Variants in LRMDA observed in about 807,000 individuals in gnomAD.
The protein encoded by LRMDA is leucine rich melanocyte differentiation associated.
Under a neutral mutation model 29.8 loss-of-function variants are expected in LRMDA, and 18 were observed. The observed-to-expected ratio is 0.60, with a 90% CI of 0.42 to 0.90. The LOEUF is 0.90. Ranked by LOEUF, LRMDA falls within the 40% of genes least tolerant of loss-of-function variation. LRMDA has a pLI of 0.00. For synonymous variants in LRMDA, 125 were observed against 109.4 expected, an observed-to-expected ratio of 1.14 and a Z score of -0.89; for missense variants, 273 against 273.9, an observed-to-expected ratio of 1.00 and a Z score of 0.02.
At chr10:76,151,579 A>AT (rs1378486465) in intron 5 of LRMDA, among the ~76,000 whole-genome samples, 1 of 152,194 alleles carries the variant, frequency 6.6e-6, no homozygotes, top group Non-Finnish European at 1.5e-5. Context: ...GGAGGAAAAA[A>AT]ATATATTTCC....
chr10:76,117,997 C>T (rs903201046), intron 5 of LRMDA, among the ~76,000 whole-genome samples: 4 of 152,210 alleles, frequency 2.6e-5, no homozygotes, highest in Non-Finnish European at 2.9e-5. Flanking sequence ...TTGACCCATT[C>T]CCTCTGTGCA....
intron 6 of LRMDA, among the ~76,000 whole-genome samples, chr10:76,448,247 C>T (rs1564544480): frequency 6.6e-6 from 1 of 152,010 alleles, no homozygotes; most frequent in African/African-American, 2.4e-5. Flanking sequence ...TTTATACCAG[C>T]CATTATAGGG....
intron 2 of LRMDA, among the ~76,000 whole-genome samples, chr10:75,571,980 A>G (rs1840442704): frequency 6.6e-6 from 1 of 152,080 alleles, no homozygotes. Context: ...TTTGAAATGG[A>G]GTCTCGCTCT....
chr10:75,962,496 A>G (rs1846786330), intron 2 of LRMDA, among the ~76,000 whole-genome samples: 1 of 152,182 alleles, frequency 6.6e-6, no homozygotes, highest in Non-Finnish European at 1.5e-5. Context: ...TTTGAGACCT[A>G]CTGGACCAGA....
intron 2 of LRMDA, among the ~76,000 whole-genome samples, chr10:75,460,241 A>G (rs183870507): frequency 1.2e-4 from 19 of 152,330 alleles, no homozygotes; most frequent in Admixed American, 2.6e-4. Flanking sequence ...AGTTAATGTG[A>G]TTGCGTAAGT....
intron 2 of LRMDA, among the ~76,000 whole-genome samples, chr10:75,481,531 A>G (rs1469457276): frequency 1.3e-5 from 2 of 152,162 alleles, no homozygotes; most frequent in Non-Finnish European, 2.9e-5. Context: ...AGTTCTCTTC[A>G]TCTTCATCAA....
intron 5 of LRMDA, among the ~76,000 whole-genome samples, chr10:76,291,037 T>C (rs994030979): frequency 3.3e-5 from 5 of 152,120 alleles, no homozygotes; most frequent in Non-Finnish European, 7.4e-5. Flanking sequence ...AATGACGGGT[T>C]TTGGGAGCAC....
intron 2 of LRMDA, among the ~76,000 whole-genome samples, chr10:75,744,213 G>A (rs1397169866): frequency 6.6e-6 from 1 of 152,182 alleles, no homozygotes; most frequent in Non-Finnish European, 1.5e-5. Flanking sequence ...CCTCTGGCAG[G>A]TGGACATAAT....
chr10:75,665,826 C>CA (rs1454110865), intron 2 of LRMDA, among the ~76,000 whole-genome samples: 1 of 152,080 alleles, frequency 6.6e-6, no homozygotes, highest in Non-Finnish European at 1.5e-5. Flanking sequence ...GATAATAATG[C>CA]AAAAAAATTT....
intron 6 of LRMDA, among the ~76,000 whole-genome samples, chr10:76,503,562 G>A (rs946121530): frequency 6.6e-6 from 1 of 151,292 alleles, no homozygotes; most frequent in Non-Finnish European, 1.5e-5. Flanking sequence ...TTGGGAGATT[G>A]TATGTTTCCA....
chr10:75,750,619 C>CTGCAATCTCTGCACTTTGGGAGGCCAA (rs1842951280), intron 2 of LRMDA, among the ~76,000 whole-genome samples: 1 of 145,870 alleles, frequency 6.9e-6, no homozygotes, highest in Non-Finnish European at 1.5e-5. Flanking sequence ...CGGGCAGAGG[C>CTGCAATCTCTGCACTTTGGGAGGCCAA]GCTCCTCACA....
chr10:76,224,137 ACT>A (rs149044321), intron 5 of LRMDA, among the ~76,000 whole-genome samples: 2,429 of 152,182 alleles, frequency 0.016, 58 homozygotes, highest in African/African-American at 0.052. Flanking sequence ...AATTTATATG[ACT>A]CTCAAATTCT....
intron 2 of LRMDA, among the ~76,000 whole-genome samples, chr10:75,835,462 C>T (rs993633362): frequency 6.6e-6 from 1 of 152,190 alleles, no homozygotes; most frequent in African/African-American, 2.4e-5. Context: ...ATCACATTTG[C>T]AAAGTCCCTT....
At chr10:75,897,918 G>A (rs1449995497) in intron 2 of LRMDA, among the ~76,000 whole-genome samples, 1 of 141,764 alleles carries the variant, frequency 7.1e-6, no homozygotes, top group Non-Finnish European at 1.5e-5. Flanking sequence ...CACCTCCCAG[G>A]TTCAAGCAGT....
intron 5 of LRMDA, among the ~76,000 whole-genome samples, chr10:76,069,275 A>G (rs1898060): frequency 0.38 from 57,128 of 152,122 alleles, 11,963 homozygotes; most frequent in Non-Finnish European, 0.46. Context: ...CCTTGGGGTC[A>G]CTGAAGGCTG....
At chr10:75,467,251 G>A (rs1177209074) in intron 2 of LRMDA, among the ~76,000 whole-genome samples, 2 of 152,174 alleles carry the variant, frequency 1.3e-5, no homozygotes, top group African/African-American at 4.8e-5. Flanking sequence ...AGGCAGAAGG[G>A]CAAGTGTGAG....
At chr10:75,993,987 A>G (rs73279672) in intron 2 of LRMDA, among the ~76,000 whole-genome samples, 2,405 of 152,246 alleles carry the variant, frequency 0.016, 78 homozygotes, top group African/African-American at 0.055. Context: ...CCCTTTTATC[A>G]GGGCTTTTCT....
At chr10:75,439,091 G>A (rs1230272629) in intron 2 of LRMDA, among the ~76,000 whole-genome samples, 1 of 152,202 alleles carries the variant, frequency 6.6e-6, no homozygotes, top group Non-Finnish European at 1.5e-5. Context: ...TCTTGGCAAA[G>A]GTAAGTGTGA....
chr10:76,436,607 C>G (rs935104665), intron 6 of LRMDA, among the ~76,000 whole-genome samples: 2 of 152,210 alleles, frequency 1.3e-5, no homozygotes, highest in African/African-American at 4.8e-5. Context: ...ACTACAGGTT[C>G]CTATGCGGAG....
Sources: allele counts gnomAD v4.1 joint callset (sites outside exome capture counted in the v4.1 genomes callset), GRCh38; gene constraint gnomAD v4.1.1; transcripts MANE v1.5; gene names NCBI Gene and HGNC (gene_info 2026-07-23, HGNC 2026-07-21).